Variants in RAD51AP2 observed in about 807,000 individuals in gnomAD.
The protein encoded by RAD51AP2 is RAD51-associated protein 2.
RAD51AP2 carries 67 observed loss-of-function variants against 85.5 expected under a neutral mutation model. The ratio of observed to expected loss-of-function variants is 0.78; its 90% CI spans 0.64 to 0.96. The LOEUF (loss-of-function observed/expected upper bound fraction) is 0.96. Ranked by LOEUF, RAD51AP2 falls within the 40% of genes least tolerant of loss-of-function variation. RAD51AP2 has a pLI of 0.00. For synonymous variants in RAD51AP2, 474 were observed against 446.5 expected, an observed-to-expected ratio of 1.06 and a Z score of -0.78; for missense variants, 1,307 against 1,332.4, an observed-to-expected ratio of 0.98 and a Z score of 0.30.
chr2:17,512,629 CA>C (rs1662524652), intron 2 of RAD51AP2, among the ~76,000 whole-genome samples: 2 of 152,158 alleles, frequency 1.3e-5, no homozygotes, highest in South Asian at 4.1e-4. Context: ...ATCACAATGA[CA>C]GCATGAGGAT....
Position 17,510,862 on chromosome 2 carries a change from T to G in RAD51AP2, c.3422A>C (p.Lys1141Thr). The change falls in exon 3 of 3, where the codon AAA becomes ACA. Residue 1141 changes from lysine (K) to threonine (T), a missense_variant. Lys to Thr is a moderately conservative substitution (Grantham distance 78). This residue lies in a region of RAD51AP2 where 668 missense variants were observed against 671.0 expected (regional missense o/e 1.00). Transcript: ENST00000399080. Reference protein sequence around the residue: ...RIGLSRKARIKQLHPYLKQMC... With the variant: ...RIGLSRKARITQLHPYLKQMC... The stretch of plus-strand genomic sequence containing the variant: ...TTGTTTCAGATAAGGATGAAGTTGT[T>G]TAATCCTTGCTTTTCTTGACAAACC... 1.2e-6 allele frequency: 2 copies of G among 1,608,950 alleles called. No homozygotes were observed. Among genetic ancestry groups the G allele is most frequent in the Non-Finnish European group, 1.7e-6 (2 of 1,177,044 alleles).
intron 2 of RAD51AP2, among the ~76,000 whole-genome samples, chr2:17,512,847 T>G (rs1662531378): frequency 6.6e-6 from 1 of 152,226 alleles, no homozygotes; most frequent in Non-Finnish European, 1.5e-5. Flanking sequence ...TCCAATGTTT[T>G]GATTAATTTT....
At chr2:17,514,769 C>CA (rs1395500092) in intron 1 of RAD51AP2, among the ~76,000 whole-genome samples, 1 of 151,224 alleles carries the variant, frequency 6.6e-6, no homozygotes, top group Non-Finnish European at 1.5e-5. Context: ...GACTCTGTCT[C>CA]AAAAAAAAGA....
chr2:17,510,867 C>G lies in RAD51AP2; in HGVS notation c.3417G>C (p.Arg1139Ser). 6.2e-7 allele frequency: 1 copy of G among 1,608,732 alleles called. No homozygotes were observed. ...PIRIGLSRKA[R>S]IKQLHPYLKQ... ...TCAGATAAGGATGAAGTTGTTTAAT[C>G]CTTGCTTTTCTTGACAAACCAATCC... The change falls in exon 3 of 3, where the codon AGG becomes AGC. Residue 1139 changes from arginine to serine, a missense_variant. By Grantham distance (110) the Arg-to-Ser change is moderately radical. Coordinates refer to ENST00000399080, the MANE Select transcript of RAD51AP2 (RefSeq NM_001099218.3).
the RAD51AP2 span, among the ~76,000 whole-genome samples, chr2:17,536,880 G>A: frequency 6.6e-6 from 1 of 152,148 alleles, no homozygotes; most frequent in African/African-American, 2.4e-5. Context: ...AAAACATGTA[G>A]AAGGGGCACA....
At chr2:17,519,575 T>A (rs1662812269), upstream of RAD51AP2, among the ~76,000 whole-genome samples, 1 of 152,172 alleles carries the variant, frequency 6.6e-6, no homozygotes. Context: ...GCCTTCTACT[T>A]TAGGTAATAA....
chr2:17,515,419 A>T lies in RAD51AP2; in HGVS notation c.2997T>A (p.Asn999Lys). Reference protein sequence around the residue: ...STVETNNGQENYFGENDAEKV... With the variant: ...STVETNNGQEKYFGENDAEKV... ...TCTCAGCATCATTTTCTCCAAAGTA[A>T]TTTTCTTGCCCATTGTTTGTTTCCA... Residue 999 changes from asparagine to lysine, a missense_variant, in exon 1 of 3, where the codon AAT becomes AAA. Physicochemically the swap from Asn to Lys is moderately conservative, Grantham distance 94 (BLOSUM62 0). Around this residue, in one of 3 missense-constraint regions of RAD51AP2, gnomAD observed 668 missense variants for 671.0 expected, o/e 1.00. Transcript: ENST00000399080. The T allele has an allele frequency of 1.9e-6, 3 of 1,612,502 alleles. No individual in the cohort carries two copies. The highest frequency in any genetic ancestry group is 1.7e-4 in the Middle Eastern group (1 of 6,056).
chr2:17,515,716 A>T lies in RAD51AP2; in HGVS notation c.2700T>A (p.Asn900Lys). Residue 900 changes from asparagine (N) to lysine (K), a missense_variant, in exon 1 of 3, where the codon AAT becomes AAA. Asn to Lys is a moderately conservative substitution (Grantham distance 94, BLOSUM62 0). Transcript: ENST00000399080. ...YVNQNYVTNTNEYESILPERE... is the reference protein window; with the variant it reads ...YVNQNYVTNTKEYESILPERE... ...TTTCTGGCAAAATACTCTCATATTC[A>T]TTTGTATTTGTTACATAATTTTGAT... 1.9e-6 allele frequency: 3 copies of T among 1,599,420 alleles called. No individual in the cohort carries two copies. The highest frequency in any genetic ancestry group is 2.6e-6 in the Non-Finnish European group (3 of 1,173,022).
At chr2:17,522,817 T>A (rs1439729312), upstream of RAD51AP2, among the ~76,000 whole-genome samples, 2 of 151,980 alleles carry the variant, frequency 1.3e-5, no homozygotes, top group Non-Finnish European at 2.9e-5. Context: ...TTGTAGTTTT[T>A]TCCTGAGTTT....
intron 2 of RAD51AP2, among the ~76,000 whole-genome samples, chr2:17,512,728 A>T (rs1027697106): frequency 6.6e-6 from 1 of 152,130 alleles, no homozygotes; most frequent in Non-Finnish European, 1.5e-5. Flanking sequence ...AGCAAACCCT[A>T]TCCTTTTCAG....
intron 2 of RAD51AP2, among the ~76,000 whole-genome samples, chr2:17,512,578 C>A (rs925102610): frequency 2.6e-5 from 4 of 152,200 alleles, no homozygotes; most frequent in Admixed American, 2.6e-4. Flanking sequence ...TGCACACATA[C>A]TTTATCTTCC....
chr2:17,510,723 C>T lies in RAD51AP2; in HGVS notation c.*81G>A. ...CTCCACTTTATAATAAAGCAAGCCC[C>T]AAACCCCCAAGCTGGAAGAACATAT... On this transcript the variant is annotated 3_prime_UTR_variant, in exon 3 of 3. Coordinates refer to ENST00000399080, the MANE Select transcript of RAD51AP2 (RefSeq NM_001099218.3). 1 of 979,138 alleles carries T rather than the reference C, an allele frequency of 1.0e-6. No individual in the cohort carries two copies. Among genetic ancestry groups the T allele is most frequent in the Non-Finnish European group, 1.4e-6 (1 of 709,420 alleles). The allele number at this position is 979,138 out of a possible 1,614,324, so 60.7% of individuals were successfully genotyped here. A position where few individuals can be genotyped will look rare whatever the true frequency, so the allele number is the denominator to read the frequency against.
chr2:17,517,549 A>G lies in RAD51AP2; in HGVS notation c.867T>C (p.Tyr289=). 6 of 1,613,756 alleles carry G rather than the reference A, an allele frequency of 3.7e-6. No individual in the cohort carries two copies. Among genetic ancestry groups the G allele is most frequent in the Non-Finnish European group, 5.1e-6 (6 of 1,179,926 alleles). The change falls in exon 1 of 3, where the codon TAT becomes TAC. Residue 289 remains tyrosine, a synonymous_variant. Coordinates refer to ENST00000399080, the MANE Select transcript of RAD51AP2 (RefSeq NM_001099218.3). ...AKKKNDKKEA[Y]VRDFTNIYWS... The stretch of plus-strand genomic sequence containing the variant: ...AGTAAATGTTTGTGAAATCCCTAAC[A>G]TATGCCTCTTTTTTGTCATTCTTTT...
chr2:17,536,436 C>T, the RAD51AP2 span, among the ~76,000 whole-genome samples: 1 of 152,288 alleles, frequency 6.6e-6, no homozygotes, highest in African/African-American at 2.4e-5. Context: ...GTAAAAATTT[C>T]CAGCTTCAGA....
chr2:17,527,175 T>C, the RAD51AP2 span, among the ~76,000 whole-genome samples: 6 of 152,332 alleles, frequency 3.9e-5, no homozygotes, highest in African/African-American at 1.4e-4. Flanking sequence ...GTTCATTTTG[T>C]GATAATTCAT....
the RAD51AP2 span, among the ~76,000 whole-genome samples, chr2:17,524,445 C>A: frequency 1.3e-5 from 2 of 151,900 alleles, no homozygotes; most frequent in Non-Finnish European, 1.5e-5. Context: ...CAAATGTAGT[C>A]TGGAGACTTA....
chr2:17,513,558 C>T (rs961108478), intron 2 of RAD51AP2, among the ~76,000 whole-genome samples: 1 of 151,876 alleles, frequency 6.6e-6, no homozygotes, highest in Non-Finnish European at 1.5e-5. Context: ...TTAATGTAAT[C>T]GAAAGTATAA....
the RAD51AP2 span, among the ~76,000 whole-genome samples, chr2:17,524,689 C>G: frequency 6.6e-6 from 1 of 151,852 alleles, no homozygotes; most frequent in South Asian, 2.1e-4. Context: ...CTCTTTAAGA[C>G]TTGGGATAGT....
At chr2:17,518,489 T>C, upstream of RAD51AP2, 6 of 1,532,000 alleles carry the variant, frequency 3.9e-6, no homozygotes, top group South Asian at 5.2e-5. Flanking sequence ...CGGGCCGCTC[T>C]GGTCACGCCC....
Sources: allele counts gnomAD v4.1 joint callset (sites outside exome capture counted in the v4.1 genomes callset), GRCh38; gene constraint gnomAD v4.1.1; regional missense constraint gnomAD v4.1.1; transcripts MANE v1.5; gene names NCBI Gene and HGNC (gene_info 2026-07-23, HGNC 2026-07-21).